Variants in PDE1A observed in about 807,000 individuals in gnomAD.
PDE1A encodes the protein dual specificity calcium/calmodulin-dependent 3',5'-cyclic nucleotide phosphodiesterase 1A.
PDE1A carries 35 observed loss-of-function variants against 61.7 expected under a neutral mutation model. That is an observed-to-expected ratio of 0.57 (90% CI 0.43 to 0.75). The LOEUF is 0.75. Ranked by LOEUF, PDE1A falls within the 30% of genes least tolerant of loss-of-function variation. PDE1A has a pLI of 0.00. For synonymous variants in PDE1A, 232 were observed against 213.2 expected, an observed-to-expected ratio of 1.09 and a Z score of -0.77; for missense variants, 597 against 630.6, an observed-to-expected ratio of 0.95 and a Z score of 0.57.
At chr2:182,649,996 T>C in the PDE1A span, among the ~76,000 whole-genome samples, 2 of 152,112 alleles carry the variant, frequency 1.3e-5, no homozygotes, top group East Asian at 1.9e-4. Context: ...AGAGGATCAC[T>C]TGAGCCCAGG....
chr2:182,494,205 C>A (rs922769120), intron 2 of PDE1A, among the ~76,000 whole-genome samples: 3 of 151,894 alleles, frequency 2.0e-5, no homozygotes, highest in Non-Finnish European at 2.9e-5. Context: ...CAAAGGTAAC[C>A]TTTTATCATC....
At chr2:182,257,117 T>G (rs185587610) in intron 2 of PDE1A, among the ~76,000 whole-genome samples, 1 of 152,334 alleles carries the variant, frequency 6.6e-6, no homozygotes, top group African/African-American at 2.4e-5. Context: ...TATATGCCTG[T>G]TGCTTTGGTG....
Position 182,438,361 on chromosome 2 carries a change from G to A in PDE1A, c.101+83915C>T, listed in dbSNP as rs914446752. 3.9e-4 allele frequency among the ~76,000 whole-genome samples: 60 copies of A among 152,056 alleles called. 1 individual carries two copies. Among genetic ancestry groups the A allele is most frequent in the African/African-American group, 1.4e-3 (58 of 41,530 alleles). On this transcript the variant is annotated intron_variant, in intron 2 of 14. Coordinates refer to the PDE1A transcript ENST00000410103. ...CAGCTTACTAAGAAGTCCTATGTTG[G>A]TCTCCAATGGGGCCACCTCTAAGGC...
At chr2:182,663,531 A>T in the PDE1A span, among the ~76,000 whole-genome samples, 1 of 152,224 alleles carries the variant, frequency 6.6e-6, no homozygotes, top group Non-Finnish European at 1.5e-5. Flanking sequence ...AGGAACATGC[A>T]TGGAGCTGGA....
chr2:182,271,299 A>G (rs1693004572), intron 1 of PDE1A, among the ~76,000 whole-genome samples: 1 of 152,062 alleles, frequency 6.6e-6, no homozygotes, highest in Non-Finnish European at 1.5e-5. Context: ...TACCTTAAAC[A>G]TATACAACAA....
intron 13 of PDE1A, among the ~76,000 whole-genome samples, chr2:182,148,232 T>C (rs1368448631): frequency 6.6e-6 from 1 of 152,138 alleles, no homozygotes; most frequent in East Asian, 1.9e-4. Context: ...AAGACTCCTT[T>C]CCCACCTTGT....
intron 2 of PDE1A, among the ~76,000 whole-genome samples, chr2:182,463,053 CAA>C (rs1686411861): frequency 6.6e-6 from 1 of 151,792 alleles, no homozygotes. Context: ...CCAGCCTGGC[CAA>C]CGGGGAGAAA....
At chr2:182,527,328 ATATATATATATATATAT>A (rs1340044126), upstream of PDE1A, among the ~76,000 whole-genome samples, 453 of 9,186 alleles carry the variant, frequency 0.049, 88 homozygotes, top group African/African-American at 0.13. Flanking sequence ...AAAAAAAAAA[ATATATATATATATATAT>A]ATATATATAT....
intron 2 of PDE1A, among the ~76,000 whole-genome samples, chr2:182,462,402 G>A (rs968218503): frequency 1.3e-5 from 2 of 151,426 alleles, no homozygotes; most frequent in African/African-American, 4.9e-5. Context: ...CTTAAAAGCA[G>A]GACTGAGTTC....
intron 13 of PDE1A, among the ~76,000 whole-genome samples, chr2:182,172,358 C>G (rs1232082836): frequency 6.6e-6 from 1 of 152,000 alleles, no homozygotes; most frequent in East Asian, 1.9e-4. Flanking sequence ...TGCACTGGTA[C>G]ACAGGGGGTC....
the PDE1A span, among the ~76,000 whole-genome samples, chr2:182,622,014 G>T: frequency 6.6e-6 from 1 of 152,138 alleles, no homozygotes; most frequent in Non-Finnish European, 1.5e-5. Flanking sequence ...GTAAACTACA[G>T]AACATTATAG....
At chr2:182,228,187 G>C (rs1288438548) in intron 6 of PDE1A, among the ~76,000 whole-genome samples, 1 of 152,134 alleles carries the variant, frequency 6.6e-6, no homozygotes, top group African/African-American at 2.4e-5. Flanking sequence ...CAAAAGGAGA[G>C]AGATAGGGGG....
intron 13 of PDE1A, among the ~76,000 whole-genome samples, chr2:182,174,761 A>T (rs1339310734): frequency 1.4e-5 from 2 of 143,838 alleles, no homozygotes; most frequent in African/African-American, 5.1e-5. Flanking sequence ...TATTTTTATT[A>T]TACTTTAAGT....
At chr2:182,294,537 C>T (rs1694745753) in intron 1 of PDE1A, among the ~76,000 whole-genome samples, 2 of 152,104 alleles carry the variant, frequency 1.3e-5, no homozygotes, top group African/African-American at 2.4e-5. Context: ...GACAATGCTG[C>T]TCACACATTC....
At chr2:182,165,601 A>G (rs1336179559), downstream of PDE1A, among the ~76,000 whole-genome samples, 2 of 152,166 alleles carry the variant, frequency 1.3e-5, no homozygotes, top group Non-Finnish European at 2.9e-5. Flanking sequence ...TAGGCTGACT[A>G]TGAATTGCCC....
chr2:182,715,908 TCTTCC>T, the PDE1A span: 14 of 152,244 alleles, frequency 9.2e-5, no homozygotes, highest in African/African-American at 3.4e-4. Flanking sequence ...CAAAGCTCCG[TCTTCC>T]CTTTAAAAGA....
chr2:182,617,592 C>T, the PDE1A span, among the ~76,000 whole-genome samples: 1 of 152,204 alleles, frequency 6.6e-6, no homozygotes, highest in East Asian at 1.9e-4. Context: ...TTAGGGTGAT[C>T]TTAGGGATCC....
chr2:182,691,682 G>C, the PDE1A span, among the ~76,000 whole-genome samples: 280 of 152,178 alleles, frequency 1.8e-3, no homozygotes, highest in African/African-American at 6.4e-3. Flanking sequence ...TGACAAATGG[G>C]ATCTAATTAA....
rs530976648 is a variant in PDE1A at position 182,149,777 on chromosome 2, AAGAGTGTACCATATAAAGGCTTTG to A, written c.1517-2649_1517-2626del. Among the ~76,000 whole-genome samples, 781 of 152,250 alleles carry A rather than the reference AAGAGTGTACCATATAAAGGCTTTG, an allele frequency of 5.1e-3. 4 individuals carry two copies. The highest frequency in any genetic ancestry group is 0.018 in the African/African-American group (734 of 41,566). On this transcript the variant is annotated intron_variant, in intron 13 of 13. Transcript: ENST00000409365. ...TCATCTTAGATGACCTTTATGGCCC[AAGAGTGTACCATATAAAGGCTTTG>A]AGAAACACCCATATACCAAGGTTCC... is the stretch of plus-strand genomic sequence containing the variant.
Sources: allele counts gnomAD v4.1 joint callset (sites outside exome capture counted in the v4.1 genomes callset), GRCh38; gene constraint gnomAD v4.1.1; transcripts MANE v1.5; gene names NCBI Gene and HGNC (gene_info 2026-07-23, HGNC 2026-07-21).